The following AK5 variants were observed in gnomAD, a reference collection of about 807,000 sequenced individuals.
AK5 encodes the protein adenylate kinase 5.
Under a neutral mutation model 69.5 loss-of-function variants are expected in AK5, and 27 were observed. The observed-to-expected ratio is 0.39, with a 90% CI of 0.29 to 0.54. The LOEUF (loss-of-function observed/expected upper bound fraction) is 0.54. Among genes scored for constraint, AK5 ranks in the 20% least tolerant of loss-of-function variants. The pLI, the probability that AK5 is intolerant of heterozygous loss-of-function variation, is 0.71. For synonymous variants in AK5, 260 were observed against 244.4 expected, an observed-to-expected ratio of 1.06 and a Z score of -0.60; for missense variants, 531 against 700.4, an observed-to-expected ratio of 0.76 and a Z score of 2.73.
At chr1:77,328,571 CA>C (rs1289740119) in intron 5 of AK5, among the ~76,000 whole-genome samples, 1 of 151,860 alleles carries the variant, frequency 6.6e-6, no homozygotes, top group African/African-American at 2.4e-5. Context: ...TAATGTACCC[CA>C]ATCACTCTTA....
intron 8 of AK5, among the ~76,000 whole-genome samples, chr1:77,473,305 A>G (rs748601417): frequency 2.1e-4 from 32 of 151,252 alleles, no homozygotes; most frequent in Non-Finnish European, 4.0e-4. Flanking sequence ...GCAGCCTCAA[A>G]CTCCTTGTCT....
At position 77,376,811 on chromosome 1, in the gene AK5, T is replaced by A. The variant is rs115404713; in HGVS notation, c.892-34170T>A. The stretch of plus-strand genomic sequence containing the variant: ...AAAAAAATTAGCTGATCATCATGGC[T>A]CCTTGGGAAGCTGAGGTGAGAGGAT... On this transcript the variant is annotated intron_variant, in intron 6 of 13. Coordinates refer to ENST00000354567, the MANE Select transcript of AK5 (RefSeq NM_174858.3). 2.2e-3 allele frequency among the ~76,000 whole-genome samples: 334 copies of A among 152,122 alleles called. 3 individuals are homozygous for A. Among genetic ancestry groups the A allele is most frequent in the Middle Eastern group, 0.01 (3 of 294 alleles).
At chr1:77,547,969 C>A (rs565439232) in intron 13 of AK5, among the ~76,000 whole-genome samples, 2 of 152,202 alleles carry the variant, frequency 1.3e-5, no homozygotes, top group East Asian at 3.9e-4. Flanking sequence ...AGGAGGGAAG[C>A]ACTGAGTAAC....
At chr1:77,508,069 A>AT (rs1416465229) in intron 10 of AK5, among the ~76,000 whole-genome samples, 1 of 152,188 alleles carries the variant, frequency 6.6e-6, no homozygotes, top group Non-Finnish European at 1.5e-5. Context: ...AGCATTTGGG[A>AT]TTTTGAATTT....
intron 5 of AK5, among the ~76,000 whole-genome samples, chr1:77,317,487 A>G (rs1185499823): frequency 1.3e-5 from 2 of 152,168 alleles, no homozygotes; most frequent in African/African-American, 2.4e-5. Context: ...CCCCCACACC[A>G]TAAAGCTCAA....
At chr1:77,487,394 T>C (rs909382381) in intron 10 of AK5, among the ~76,000 whole-genome samples, 1 of 152,086 alleles carries the variant, frequency 6.6e-6, no homozygotes, top group African/African-American at 2.4e-5. Flanking sequence ...AAAGGACAAA[T>C]ATTATCCTTT....
At chr1:77,396,471 C>T (rs984963247) in intron 6 of AK5, among the ~76,000 whole-genome samples, 1 of 152,192 alleles carries the variant, frequency 6.6e-6, no homozygotes, top group Non-Finnish European at 1.5e-5. Flanking sequence ...TCAAGCCTGT[C>T]ATAGCCATCT....
At chr1:77,376,345 C>T (rs1456134053) in intron 6 of AK5, among the ~76,000 whole-genome samples, 2 of 142,342 alleles carry the variant, frequency 1.4e-5, no homozygotes, top group Admixed American at 7.5e-5. Flanking sequence ...TGTTTACTTA[C>T]TTGCCAGAGA....
rs1658934966 is a variant in AK5 at position 77,535,937 on chromosome 1, G to A, written c.1519G>A (p.Val507Met). 6.2e-7 allele frequency: 1 copy of A among 1,613,912 alleles called. No individual in the cohort carries two copies. The highest frequency in any genetic ancestry group is 8.5e-7 in the Non-Finnish European group (1 of 1,180,012). The change falls in exon 13 of 14, where the codon GTG (valine) becomes ATG (methionine). Residue 507 changes from valine (V) to methionine (M), a missense_variant. By Grantham distance (21) the Val-to-Met change is conservative. Transcript: ENST00000354567. Reference protein sequence around the residue: ...LLQRSRSSLPVDDTTKTIAKR... With the variant: ...LLQRSRSSLPMDDTTKTIAKR... ...CCAAAGGAGCCGGAGCAGCCTGCCT[G>A]TGGACGACACCACCAAGACCATCGC...
Position 77,432,783 on chromosome 1 carries a change from T to C in AK5, c.1059+15068T>C, listed in dbSNP as rs952703989. Among the ~76,000 whole-genome samples, 3 of 152,188 alleles carry C rather than the reference T, an allele frequency of 2.0e-5. No homozygotes were observed. The South Asian group carries it at 6.2e-4, about 32-fold the overall frequency. ...ATTTAAACAATAGATACCTAAGAGG[T>C]CATGTTCTTTTAAGTTATGAGCAGA... On this transcript the variant is annotated intron_variant, in intron 8 of 13. Transcript: ENST00000354567.
At chr1:77,351,220 C>G (rs972189731) in intron 6 of AK5, among the ~76,000 whole-genome samples, 12 of 152,210 alleles carry the variant, frequency 7.9e-5, no homozygotes, top group African/African-American at 2.9e-4. Flanking sequence ...ATGGCGAAAC[C>G]CCATCTCTAC....
chr1:77,547,271 C>CTT (rs532879024), intron 13 of AK5, among the ~76,000 whole-genome samples: 55,092 of 107,442 alleles, frequency 0.51, 16,454 homozygotes, highest in East Asian at 0.65. Context: ...ATAAAGTTCT[C>CTT]TTTTTTTTTT....
intron 6 of AK5, among the ~76,000 whole-genome samples, chr1:77,386,556 A>G (rs1293418036): frequency 1.3e-5 from 2 of 152,144 alleles, no homozygotes; most frequent in African/African-American, 4.8e-5. Flanking sequence ...GGTGGGGGAA[A>G]ATCATTATGA....
chr1:77,466,536 C>T (rs1654154645), intron 8 of AK5, among the ~76,000 whole-genome samples: 1 of 152,132 alleles, frequency 6.6e-6, no homozygotes, highest in African/African-American at 2.4e-5. Flanking sequence ...TTGATGTTAA[C>T]AAGAGTCCAA....
chr1:77,314,488 T>C (rs1660134947), intron 5 of AK5: 1 of 152,750 alleles, frequency 6.5e-6, no homozygotes, highest in Admixed American at 6.5e-5. Flanking sequence ...ATATTATTTT[T>C]TGTACTTTTT....
chr1:77,417,280 C>T (rs537744985), intron 7 of AK5, among the ~76,000 whole-genome samples: 1 of 152,190 alleles, frequency 6.6e-6, no homozygotes, highest in Non-Finnish European at 1.5e-5. Flanking sequence ...TGTATTCACC[C>T]TCAAAATTCA....
rs144603770 is a variant in AK5, at chr1:77,473,528, G to C, written c.1060-9789G>C. Among the ~76,000 whole-genome samples the C allele has an allele frequency of 3.7e-3, 559 of 152,264 alleles. 1 individual carries two copies. The highest frequency in any genetic ancestry group is 0.013 in the African/African-American group (546 of 41,544). ...ACACTTCCAGGATTGGACAGCTACG[G>C]ACATTAAACATTTAGACCTTTCTAA... On this transcript the variant is annotated intron_variant, in intron 8 of 13. Coordinates refer to ENST00000354567, the MANE Select transcript of AK5 (RefSeq NM_174858.3).
intron 8 of AK5, among the ~76,000 whole-genome samples, chr1:77,428,469 C>T (rs555722660): frequency 6.6e-6 from 1 of 152,242 alleles, no homozygotes; most frequent in South Asian, 2.1e-4. Context: ...AAACCAAAAA[C>T]ACTGATGAAG....
At chr1:77,393,091 C>A (rs149338609) in intron 6 of AK5, among the ~76,000 whole-genome samples, 1 of 152,092 alleles carries the variant, frequency 6.6e-6, no homozygotes. Flanking sequence ...CCCCACCACA[C>A]GCAGCTACTT....
Sources: allele counts gnomAD v4.1 joint callset (sites outside exome capture counted in the v4.1 genomes callset), GRCh38; gene constraint gnomAD v4.1.1; transcripts MANE v1.5; gene names NCBI Gene and HGNC (gene_info 2026-07-23, HGNC 2026-07-21).